RGPD2: variants seen among roughly 807,000 people sequenced by gnomAD.
RGPD2 encodes RANBP2 like and GRIP domain containing 2, also known as RANBP2-like and GRIP domain-containing protein 2.
RGPD2 carries 2 observed loss-of-function variants against 36.0 expected under a neutral mutation model. The observed-to-expected ratio is 0.06, with a 90% CI of 0.02 to 0.17. RGPD2 has a LOEUF of 0.17. RGPD2 is among the 10% of genes least tolerant of loss of function. The probability of loss-of-function intolerance (pLI) is 1.00; values close to 1 mark genes in which losing one functional copy is unlikely to be tolerated. For missense variants in RGPD2, 40 were observed against 464.3 expected (o/e 0.09, Z 8.40); for synonymous variants, 19 against 163.8 (o/e 0.12, Z 6.75).
the RGPD2 span, among the ~76,000 whole-genome samples, chr2:87,859,761 T>C: frequency 0.18 from 27,003 of 149,616 alleles, 1,983 homozygotes; most frequent in East Asian, 0.39. Context: ...CACGATCATA[T>C]TATGCACATA....
chr2:87,902,367 G>A, the RGPD2 span, among the ~76,000 whole-genome samples: 27,258 of 147,128 alleles, frequency 0.19, 330 homozygotes, highest in Non-Finnish European at 0.22. Flanking sequence ...CCAGGTGGTA[G>A]CATTTAACCT....
At chr2:87,989,216 G>A in the RGPD2 span, 7 of 310,038 alleles carry the variant, frequency 2.3e-5, no homozygotes, top group African/African-American at 1.6e-4. Context: ...TGCATTCTAA[G>A]TCTTTGAATG....
At chr2:87,978,277 A>G in the RGPD2 span, among the ~76,000 whole-genome samples, 1 of 151,344 alleles carries the variant, frequency 6.6e-6, no homozygotes, top group South Asian at 2.1e-4. Context: ...ATATTTTTTA[A>G]AATCTAATTT....
the RGPD2 span, among the ~76,000 whole-genome samples, chr2:87,913,388 T>A: frequency 9.9e-5 from 15 of 151,878 alleles, no homozygotes; most frequent in Middle Eastern, 0.01. Context: ...CACTGGGGAC[T>A]GTTGTGGGGT....
the RGPD2 span, among the ~76,000 whole-genome samples, chr2:87,841,642 C>A: frequency 6.6e-6 from 1 of 151,412 alleles, no homozygotes; most frequent in African/African-American, 2.4e-5. Flanking sequence ...CAAGAAGGAA[C>A]TGGTACCATT....
chr2:87,762,762 CCAA>C (rs1396787799), intron 22 of RGPD2, among the ~76,000 whole-genome samples: 3 of 27,786 alleles, frequency 1.1e-4, no homozygotes, highest in African/African-American at 2.3e-4. Flanking sequence ...ATTAAAAAAC[CCAA>C]CAACAACAAA....
At chr2:87,957,342 G>A in the RGPD2 span, among the ~76,000 whole-genome samples, 1 of 112,942 alleles carries the variant, frequency 8.9e-6, no homozygotes, top group East Asian at 2.8e-4. Flanking sequence ...CAGCAAAAAA[G>A]CAATCATCTC....
the RGPD2 span, among the ~76,000 whole-genome samples, chr2:87,964,114 C>T: frequency 3.9e-5 from 6 of 152,082 alleles, no homozygotes; most frequent in East Asian, 1.9e-4. Context: ...TACAGGTGCC[C>T]GGCATCCACC....
chr2:87,922,612 T>C, the RGPD2 span, among the ~76,000 whole-genome samples: 1 of 148,878 alleles, frequency 6.7e-6, no homozygotes. Flanking sequence ...TCAATTGTAC[T>C]ATTTTATTCA....
chr2:87,984,232 C>A, the RGPD2 span, among the ~76,000 whole-genome samples: 1 of 151,976 alleles, frequency 6.6e-6, no homozygotes, highest in South Asian at 2.1e-4. Flanking sequence ...GTGAAATGGG[C>A]GCTTTTAAAT....
chr2:87,875,328 T>C, the RGPD2 span, among the ~76,000 whole-genome samples: 2 of 152,198 alleles, frequency 1.3e-5, no homozygotes, highest in African/African-American at 2.4e-5. Flanking sequence ...TAGTGTGATA[T>C]TGGCTGTGAG....
the RGPD2 span, among the ~76,000 whole-genome samples, chr2:87,843,365 GA>G: frequency 2.2e-4 from 26 of 119,634 alleles, 1 homozygote; most frequent in African/African-American, 7.5e-4. Context: ...AAATTTACAA[GA>G]AAAAAACAAA....
upstream of RGPD2, chr2:87,826,034 A>T (rs1203568777): frequency 2.9e-6 from 1 of 341,704 alleles, no homozygotes; most frequent in Non-Finnish European, 5.5e-6. Context: ...TCATTTGCTT[A>T]TTTCAATATT....
chr2:87,918,399 C>T, the RGPD2 span, among the ~76,000 whole-genome samples: 1 of 151,104 alleles, frequency 6.6e-6, no homozygotes, highest in Non-Finnish European at 1.5e-5. Flanking sequence ...ACGTAGTTTA[C>T]ACATTAAAAA....
Position 87,806,708 on chromosome 2 carries a change from G to A in RGPD2, c.963C>T (p.Val321=). 1 of 51,888 alleles carries A rather than the reference G, an allele frequency of 1.9e-5. No individual in the cohort carries two copies. The highest frequency in any genetic ancestry group is 3.1e-5 in the Non-Finnish European group (1 of 32,782). 3.2% of individuals were successfully genotyped at this position (51,888 alleles called of 1,614,324 possible). A position where few individuals can be genotyped will look rare whatever the true frequency, so the allele number is the denominator to read the frequency against. The change falls in exon 7 of 23, where the codon GTC becomes GTT. Residue 321 remains valine (V), a synonymous_variant. Coordinates refer to ENST00000398146, the MANE Select transcript of RGPD2 (RefSeq NM_001078170.3). ...GTGGAAGACTTACCTGAAATGCTAT[G>A]ACATAGCACAATGCAGCCAGCTCAG... is the stretch of plus-strand genomic sequence containing the variant. ...ALSELAALCY[V]IAFQVPRPKI...
the RGPD2 span, among the ~76,000 whole-genome samples, chr2:87,921,976 G>A: frequency 6.6e-6 from 1 of 150,444 alleles, no homozygotes; most frequent in Non-Finnish European, 1.5e-5. Flanking sequence ...AAGTAGATCA[G>A]CTGGCTTCCC....
chr2:87,927,636 A>T, the RGPD2 span, among the ~76,000 whole-genome samples: 1 of 151,366 alleles, frequency 6.6e-6, no homozygotes, highest in East Asian at 1.9e-4. Context: ...TTCTTTTGTT[A>T]TTACTTAGGG....
chr2:87,810,110 G>A (rs1173024734), intron 6 of RGPD2, among the ~76,000 whole-genome samples: 1 of 12,448 alleles, frequency 8.0e-5, no homozygotes, highest in Admixed American at 7.5e-4. Context: ...GCAGTGAGCC[G>A]AGACTGCACC....
the RGPD2 span, among the ~76,000 whole-genome samples, chr2:87,859,549 A>T: frequency 1.3e-5 from 2 of 151,894 alleles, no homozygotes; most frequent in Admixed American, 1.3e-4. Context: ...CCTCCTCTTA[A>T]CTCTTCATCC....
Sources: allele counts gnomAD v4.1 joint callset (sites outside exome capture counted in the v4.1 genomes callset), GRCh38; gene constraint gnomAD v4.1.1; transcripts MANE v1.5; gene names NCBI Gene and HGNC (gene_info 2026-07-23, HGNC 2026-07-21).